The following PTPRD variants were observed in gnomAD, a reference collection of about 807,000 sequenced individuals.
PTPRD encodes the protein protein tyrosine phosphatase receptor type D.
A neutral mutation model predicts 214.5 loss-of-function variants in PTPRD; 34 were observed. That is an observed-to-expected ratio of 0.16 (90% confidence interval 0.12 to 0.21). PTPRD has a LOEUF of 0.21. PTPRD is among the 10% of genes least tolerant of loss of function. PTPRD has a pLI of 1.00. For missense variants in PTPRD, 2,545 were observed against 2,398.7 expected, an observed-to-expected ratio of 1.06 and a Z score of -1.27; for synonymous variants, 1,128 against 845.7, an observed-to-expected ratio of 1.33 and a Z score of -5.79.
intron 14 of PTPRD, among the ~76,000 whole-genome samples, chr9:8,603,917 C>T (rs541286143): frequency 6.6e-6 from 1 of 152,088 alleles, no homozygotes; most frequent in African/African-American, 2.4e-5. Context: ...TATTAAAAAG[C>T]ATTAGACACT....
At chr9:9,231,107 C>T (rs571661459) in intron 9 of PTPRD, among the ~76,000 whole-genome samples, 2 of 151,878 alleles carry the variant, frequency 1.3e-5, no homozygotes, top group East Asian at 1.9e-4. Flanking sequence ...TTAAAATGCC[C>T]GATTTTCATG....
At chr9:8,821,893 G>A (rs1331203206) in intron 11 of PTPRD, among the ~76,000 whole-genome samples, 1 of 152,128 alleles carries the variant, frequency 6.6e-6, no homozygotes, top group Non-Finnish European at 1.5e-5. Flanking sequence ...TCGAACTCCT[G>A]ACCTCGTGAT....
At chr9:10,362,172 A>C (rs893069642) in intron 2 of PTPRD, among the ~76,000 whole-genome samples, 1 of 152,264 alleles carries the variant, frequency 6.6e-6, no homozygotes, top group African/African-American at 2.4e-5. Context: ...TCGCTCAACA[A>C]TCATACTCAG....
chr9:10,096,571 C>T (rs979494061), intron 3 of PTPRD, among the ~76,000 whole-genome samples: 1 of 151,898 alleles, frequency 6.6e-6, no homozygotes, highest in Non-Finnish European at 1.5e-5. Flanking sequence ...CCAATGCCCA[C>T]TTTTTGATGG....
At chr9:8,330,190 C>T (rs1028471851) in intron 44 of PTPRD, among the ~76,000 whole-genome samples, 2 of 152,088 alleles carry the variant, frequency 1.3e-5, no homozygotes, top group Non-Finnish European at 2.9e-5. Flanking sequence ...TTTAGCTCAC[C>T]CTTTGTGGGC....
intron 2 of PTPRD, among the ~76,000 whole-genome samples, chr9:10,540,597 A>C (rs756064080): frequency 2.8e-4 from 43 of 152,154 alleles, no homozygotes; most frequent in Non-Finnish European, 1.3e-4. Flanking sequence ...CTACATGTTT[A>C]GTTTGCATTT....
intron 5 of PTPRD, among the ~76,000 whole-genome samples, chr9:9,832,213 T>C: frequency 6.6e-6 from 1 of 152,146 alleles, no homozygotes; most frequent in East Asian, 1.9e-4. Context: ...AAACCATTTA[T>C]TTTAATGGGA....
chr9:9,393,631 T>A (rs890552099), intron 9 of PTPRD, among the ~76,000 whole-genome samples: 1 of 152,164 alleles, frequency 6.6e-6, no homozygotes, highest in Admixed American at 6.6e-5. Context: ...GGTGGTTTCT[T>A]CCATAGCAAC....
At chr9:9,042,757 T>A (rs1363813346) in intron 10 of PTPRD, among the ~76,000 whole-genome samples, 1 of 151,912 alleles carries the variant, frequency 6.6e-6, no homozygotes. Flanking sequence ...AAATGCCAGA[T>A]ACTTGGTTTC....
At chr9:8,353,433 A>T (rs34373122) in intron 39 of PTPRD, among the ~76,000 whole-genome samples, 1 of 46,556 alleles carries the variant, frequency 2.1e-5, no homozygotes. Flanking sequence ...TGTATGAATG[A>T]ATGAATGAAT....
At chr9:9,410,843 C>G (rs2075158219) in intron 8 of PTPRD, among the ~76,000 whole-genome samples, 1 of 152,122 alleles carries the variant, frequency 6.6e-6, no homozygotes, top group Non-Finnish European at 1.5e-5. Context: ...CACATGTAAA[C>G]AAGAAACACA....
chr9:10,373,006 T>C (rs2097658975), intron 2 of PTPRD, among the ~76,000 whole-genome samples: 1 of 151,636 alleles, frequency 6.6e-6, no homozygotes, highest in African/African-American at 2.4e-5. Flanking sequence ...CTAATTTTTG[T>C]ATTTTTAGTA....
At chr9:9,023,182 C>T (rs1359081496) in intron 10 of PTPRD, among the ~76,000 whole-genome samples, 3 of 152,072 alleles carry the variant, frequency 2.0e-5, no homozygotes, top group Non-Finnish European at 2.9e-5. Flanking sequence ...ACAAATAACA[C>T]CATCACAACA....
intron 8 of PTPRD, among the ~76,000 whole-genome samples, chr9:9,485,874 C>T (rs368752774): frequency 7.2e-5 from 11 of 152,008 alleles, no homozygotes; most frequent in South Asian, 2.1e-4. Context: ...TCCCTTGGGC[C>T]GGGTGGGGTG....
At chr9:10,090,280 A>C (rs2098413159) in intron 3 of PTPRD, among the ~76,000 whole-genome samples, 1 of 151,662 alleles carries the variant, frequency 6.6e-6, no homozygotes, top group South Asian at 2.1e-4. Flanking sequence ...TTCTACTATC[A>C]AGAACCTGAG....
intron 3 of PTPRD, among the ~76,000 whole-genome samples, chr9:10,146,619 T>A (rs1215740628): frequency 6.6e-6 from 1 of 152,172 alleles, no homozygotes; most frequent in South Asian, 2.1e-4. Flanking sequence ...AAATTTTTTC[T>A]AAAGCCCTTT....
intron 10 of PTPRD, among the ~76,000 whole-genome samples, chr9:9,137,056 C>T (rs2099852010): frequency 1.3e-5 from 2 of 152,052 alleles, no homozygotes; most frequent in Admixed American, 1.3e-4. Context: ...CACAAAAGCC[C>T]CACTTTACAT....
intron 37 of PTPRD, among the ~76,000 whole-genome samples, chr9:8,387,248 G>T (rs2087462728): frequency 6.6e-6 from 1 of 152,084 alleles, no homozygotes; most frequent in Non-Finnish European, 1.5e-5. Flanking sequence ...GGGAGTTGGG[G>T]GAGAAGGTAG....
At chr9:9,914,345 C>A (rs967922123) in intron 5 of PTPRD, among the ~76,000 whole-genome samples, 1 of 152,150 alleles carries the variant, frequency 6.6e-6, no homozygotes. Context: ...GTGGGCACAC[C>A]CATGGGCCAG....
Sources: allele counts gnomAD v4.1 joint callset (sites outside exome capture counted in the v4.1 genomes callset), GRCh38; gene constraint gnomAD v4.1.1; transcripts MANE v1.5; gene names NCBI Gene and HGNC (gene_info 2026-07-23, HGNC 2026-07-21).